BCL2L13: variants seen among roughly 807,000 people sequenced by gnomAD.
The protein encoded by BCL2L13 is BCL2 like 13.
BCL2L13 carries 13 observed loss-of-function variants against 25.8 expected under a neutral mutation model. The observed-to-expected ratio is 0.50, with a 90% confidence interval of 0.33 to 0.80. BCL2L13 has a LOEUF of 0.80. Among genes scored for constraint, BCL2L13 ranks in the 30% least tolerant of loss-of-function variants. The probability of loss-of-function intolerance (pLI) is 0.02; values close to 1 mark genes in which losing one functional copy is unlikely to be tolerated. For synonymous variants in BCL2L13, 244 were observed against 230.3 expected, an observed-to-expected ratio of 1.06 and a Z score of -0.54; for missense variants, 504 against 574.9, an observed-to-expected ratio of 0.88 and a Z score of 1.26.
intron 3 of BCL2L13, among the ~76,000 whole-genome samples, chr22:17,685,422 C>T (rs574481037): frequency 1.3e-5 from 2 of 151,886 alleles, no homozygotes; most frequent in East Asian, 3.9e-4. Context: ...CGGGGTTTCA[C>T]CATATTGGCC....
chr22:17,687,818 CT>C (rs368432610), intron 3 of BCL2L13, among the ~76,000 whole-genome samples: 44 of 130,686 alleles, frequency 3.4e-4, no homozygotes, highest in Admixed American at 5.6e-4. Flanking sequence ...CACCCGGCCC[CT>C]TTTTTTTTTT....
upstream of BCL2L13, chr22:17,638,653 G>C (rs537058014): frequency 8.1e-7 from 1 of 1,229,442 alleles, no homozygotes; most frequent in South Asian, 4.1e-5. Context: ...GACCTCCGGG[G>C]CCTCCGTTGG....
upstream of BCL2L13, chr22:17,628,895 G>C: frequency 3.7e-6 from 2 of 545,010 alleles, no homozygotes; most frequent in Non-Finnish European, 6.6e-6. Flanking sequence ...TCGCTGACTC[G>C]TGACCTGACC....
At chr22:17,646,035 T>G (rs1446187845) in intron 1 of BCL2L13, among the ~76,000 whole-genome samples, 1 of 151,508 alleles carries the variant, frequency 6.6e-6, no homozygotes, top group Non-Finnish European at 1.5e-5. Flanking sequence ...GTAGGTTATA[T>G]ACAAATACCA....
At chr22:17,717,325 G>T (rs2060972253) in intron 6 of BCL2L13, among the ~76,000 whole-genome samples, 2 of 148,880 alleles carry the variant, frequency 1.3e-5, no homozygotes, top group South Asian at 4.2e-4. Flanking sequence ...AAAATTAGAA[G>T]AGTTAGCCAG....
At chr22:17,637,846 GAGATATAGATCTCATAACAT>G (rs2058139530), upstream of BCL2L13, among the ~76,000 whole-genome samples, 1 of 152,122 alleles carries the variant, frequency 6.6e-6, no homozygotes, top group Non-Finnish European at 1.5e-5. Flanking sequence ...TAGCCTTGTT[GAGATATAGATCTCATAACAT>G]AGAATTCACC....
chr22:17,727,976 G>A lies in BCL2L13; in HGVS notation c.*442G>A, dbSNP rs1231504406. On this transcript the variant is annotated 3_prime_UTR_variant, in exon 7 of 7. Transcript: ENST00000317582. ...CTATTGAGACCCACTGCTTTAGCGA[G>A]AGAGGGTTTACTTAGGAAGAATTGG... 1.2e-5 allele frequency: 2 copies of A among 172,638 alleles called. No homozygotes were observed. The highest frequency in any genetic ancestry group is 4.7e-5 in the African/African-American group (2 of 42,240). 10.7% of individuals were successfully genotyped at this position (172,638 alleles called of 1,614,324 possible).
chr22:17,705,087 A>G (rs1300973144), intron 6 of BCL2L13, among the ~76,000 whole-genome samples: 2 of 145,652 alleles, frequency 1.4e-5, no homozygotes, highest in Non-Finnish European at 1.5e-5. Context: ...GATTGTGAAA[A>G]CTGAGCATTA....
intron 2 of BCL2L13, among the ~76,000 whole-genome samples, chr22:17,669,443 G>T (rs2059348521): frequency 6.6e-6 from 1 of 152,188 alleles, no homozygotes; most frequent in Non-Finnish European, 1.5e-5. Flanking sequence ...TGTGTGCAGA[G>T]ATCACATGAC....
intron 2 of BCL2L13, among the ~76,000 whole-genome samples, chr22:17,678,353 G>T (rs1472767696): frequency 6.6e-6 from 1 of 152,080 alleles, no homozygotes; most frequent in Admixed American, 6.6e-5. Flanking sequence ...GGACATGAAA[G>T]TCCCTGTCAG....
At chr22:17,710,260 G>T (rs1480106428) in intron 6 of BCL2L13, among the ~76,000 whole-genome samples, 1 of 151,844 alleles carries the variant, frequency 6.6e-6, no homozygotes, top group African/African-American at 2.4e-5. Context: ...AAGGTAGGGA[G>T]GCCATGACAG....
chr22:17,723,833 T>C (rs916502178), intron 6 of BCL2L13, among the ~76,000 whole-genome samples: 3 of 151,258 alleles, frequency 2.0e-5, no homozygotes, highest in Non-Finnish European at 4.4e-5. Context: ...CTCGGGAGGC[T>C]GAGGCAGGAG....
At chr22:17,673,664 A>G (rs954829921) in intron 2 of BCL2L13, among the ~76,000 whole-genome samples, 3 of 151,872 alleles carry the variant, frequency 2.0e-5, no homozygotes, top group Non-Finnish European at 4.4e-5. Context: ...GGCATGAGCC[A>G]CTGCGCCCGG....
At chr22:17,649,544 C>T (rs1006336597) in intron 1 of BCL2L13, among the ~76,000 whole-genome samples, 2 of 151,970 alleles carry the variant, frequency 1.3e-5, no homozygotes, top group Non-Finnish European at 2.9e-5. Flanking sequence ...GCTCTGTCGC[C>T]CAGGCTGTAG....
At chr22:17,687,485 C>T (rs1397615306) in intron 3 of BCL2L13, among the ~76,000 whole-genome samples, 2 of 152,072 alleles carry the variant, frequency 1.3e-5, no homozygotes, top group African/African-American at 4.8e-5. Context: ...GGACTATAGG[C>T]GTGTGCCACA....
chr22:17,663,743 G>A (rs2059146788), intron 2 of BCL2L13, among the ~76,000 whole-genome samples: 1 of 139,220 alleles, frequency 7.2e-6, no homozygotes, highest in South Asian at 2.3e-4. Context: ...GAGTGGTGCA[G>A]TGGTGCGATC....
Position 17,722,378 on chromosome 22 carries a change from G to GCGTGTGTGTGTGTGTGT in BCL2L13, c.601-4299_601-4298insCGTGTGTGTGTGTGTGT, listed in dbSNP as rs1491171137. Among the ~76,000 whole-genome samples the GCGTGTGTGTGTGTGTGT allele has an allele frequency of 4.7e-4, 58 of 122,138 alleles. 2 individuals carry two copies. Among genetic ancestry groups the GCGTGTGTGTGTGTGTGT allele is most frequent in the African/African-American group, 1.9e-3 (46 of 24,384 alleles). The allele number at this position is 122,138 out of a possible 152,430, so 80.1% of individuals were successfully genotyped here. On this transcript the variant is annotated intron_variant, in intron 6 of 6. Transcript: ENST00000317582. The stretch of plus-strand genomic sequence containing the variant: ...TGAGTTGAGTAGATGAGACTACAGG[G>GCGTGTGTGTGTGTGTGT]GTGTGTGTGTGTGTGTGTGTGTGTG...
chr22:17,695,989 T>A, intron 4 of BCL2L13, 152 bp from the exon 5 acceptor site: 1 of 559,828 alleles, frequency 1.8e-6, no homozygotes, highest in Non-Finnish European at 3.2e-6. Flanking sequence ...TGCATACTAG[T>A]GTGAAAAGCC....
chr22:17,646,955 A>ATATATATTTTTTTTTTTTT (rs768488873), intron 1 of BCL2L13, among the ~76,000 whole-genome samples: 1 of 22,186 alleles, frequency 4.5e-5, no homozygotes, highest in Non-Finnish European at 7.7e-5. Flanking sequence ...ATATATATAT[A>ATATATATTTTTTTTTTTTT]TTTTTTTTTT....
Sources: gnomAD v4.1 joint callset for allele counts (sites outside exome capture counted in the v4.1 genomes callset) on GRCh38, gnomAD v4.1.1 for gene constraint, MANE v1.5 for transcripts, NCBI Gene and HGNC (gene_info 2026-07-23, HGNC 2026-07-21) for gene names.